Variants in KIAA1671 observed in about 807,000 individuals in gnomAD.
The protein encoded by KIAA1671 is uncharacterized protein KIAA1671.
KIAA1671 carries 52 observed loss-of-function variants against 131.2 expected under a neutral mutation model. The ratio of observed to expected loss-of-function variants is 0.40; its 90% CI spans 0.32 to 0.50. The LOEUF (loss-of-function observed/expected upper bound fraction) is 0.50, where lower values mean the gene tolerates loss of function less well. Among genes scored for constraint, KIAA1671 ranks in the 20% least tolerant of loss-of-function variants. The probability of loss-of-function intolerance (pLI) is 0.73; values close to 1 mark genes in which losing one functional copy is unlikely to be tolerated. For synonymous variants in KIAA1671, 1,003 were observed against 961.6 expected (o/e 1.04, Z -0.80); for missense variants, 2,360 against 2,364.2 (o/e 1.00, Z 0.04).
intron 4 of KIAA1671, among the ~76,000 whole-genome samples, chr22:25,037,356 ATATATATGTGTATATATG>A (rs1292525707): frequency 2.2e-4 from 33 of 151,924 alleles, no homozygotes; most frequent in Non-Finnish European, 2.1e-4. Context: ...TTGCAAAAAA[ATATATATGTGTATATATG>A]TATATATGTG....
intron 6 of KIAA1671, among the ~76,000 whole-genome samples, chr22:25,069,667 C>A (rs1250956222): frequency 1.3e-5 from 2 of 152,192 alleles, no homozygotes; most frequent in African/African-American, 2.4e-5. Flanking sequence ...GATGGCCACA[C>A]CCTCCTTCTG....
intron 6 of KIAA1671, among the ~76,000 whole-genome samples, chr22:25,123,557 C>T (rs1932045869): frequency 6.6e-6 from 1 of 152,126 alleles, no homozygotes; most frequent in East Asian, 1.9e-4. Context: ...AGCTTTCACT[C>T]TGGGGAAAGC....
intron 6 of KIAA1671, among the ~76,000 whole-genome samples, chr22:25,160,178 GAGA>G (rs1933386377): frequency 6.6e-6 from 1 of 152,218 alleles, no homozygotes. Flanking sequence ...CTGAGGCACA[GAGA>G]AGGGCAGGGC....
chr22:24,958,994 A>AG (rs200288160), intron 1 of KIAA1671, among the ~76,000 whole-genome samples: 1,505 of 149,852 alleles, frequency 0.01, 26 homozygotes, highest in African/African-American at 0.033. Context: ...AAAAAAAAAA[A>AG]AAAAGAAAAG....
At chr22:25,012,600 T>C (rs1208979849) in intron 1 of KIAA1671, 1 of 152,188 alleles carries the variant, frequency 6.6e-6, no homozygotes, top group East Asian at 1.9e-4. Context: ...AAGTTAAATA[T>C]GTTTGTTTTG....
chr22:24,992,672 G>A (rs201175337), intron 1 of KIAA1671, among the ~76,000 whole-genome samples: 1 of 151,842 alleles, frequency 6.6e-6, no homozygotes, highest in Non-Finnish European at 1.5e-5. Context: ...AAAATTAGGC[G>A]GGTGTGGTGG....
rs531803935 is a variant in KIAA1671 at position 25,044,396 on chromosome 22, T to C, written c.4395+2871T>C. The stretch of plus-strand genomic sequence containing the variant: ...AGAGGCCAAGGAAATGCGACACTTA[T>C]GTTTGCCAGCACCTTGCTCAGGGCC... On this transcript the variant is annotated intron_variant, in intron 5 of 12. Transcript: ENST00000358431. Among the ~76,000 whole-genome samples, 54 of 152,248 alleles carry C rather than the reference T, an allele frequency of 3.5e-4. No individual in the cohort carries two copies. In the South Asian group the frequency reaches 3.9e-3, roughly 11 times the overall value.
chr22:25,174,108 ATGTTCTGTC>A (rs1434710069), intron 7 of KIAA1671, 123 bp from the exon 8 acceptor site: 2 of 990,808 alleles, frequency 2.0e-6, no homozygotes, highest in Admixed American at 2.5e-5. Context: ...TTCTGCTGGG[ATGTTCTGTC>A]TGTTGTTACT....
At chr22:25,056,343 G>C (rs1927837749) in intron 6 of KIAA1671, 1 of 149,282 alleles carries the variant, frequency 6.7e-6, no homozygotes, top group East Asian at 2.0e-4. Flanking sequence ...CCTGGAAAAG[G>C]ATTTTTAAAA....
At chr22:25,153,121 A>C (rs2145980569) in intron 6 of KIAA1671, among the ~76,000 whole-genome samples, 1 of 152,344 alleles carries the variant, frequency 6.6e-6, no homozygotes, top group Admixed American at 6.5e-5. Flanking sequence ...ATAGTATATC[A>C]ATAGTATATC....
chr22:25,002,371 G>C (rs912438702), intron 1 of KIAA1671, among the ~76,000 whole-genome samples: 4 of 152,172 alleles, frequency 2.6e-5, no homozygotes, highest in African/African-American at 9.7e-5. Flanking sequence ...AGAGTGGAAA[G>C]TGAGACAGGG....
intron 6 of KIAA1671, among the ~76,000 whole-genome samples, chr22:25,110,440 G>T (rs1222346719): frequency 6.6e-6 from 1 of 152,184 alleles, no homozygotes; most frequent in East Asian, 1.9e-4. Context: ...GAAAACCTGG[G>T]GTGGGAGCAG....
intron 5 of KIAA1671, among the ~76,000 whole-genome samples, chr22:25,046,071 G>T (rs1927209454): frequency 6.6e-6 from 1 of 152,094 alleles, no homozygotes; most frequent in Admixed American, 6.5e-5. Flanking sequence ...GGAGGCCGAG[G>T]CTGGCAGATC....
intron 1 of KIAA1671, among the ~76,000 whole-genome samples, chr22:24,998,682 G>C (rs1334176623): frequency 2.8e-4 from 40 of 140,928 alleles, no homozygotes; most frequent in South Asian, 4.5e-4. Flanking sequence ...CGCGCCACTG[G>C]ACTCCAGCCT....
chr22:25,018,875 A>T (rs534747883), intron 1 of KIAA1671, among the ~76,000 whole-genome samples: 2 of 152,240 alleles, frequency 1.3e-5, no homozygotes, highest in Admixed American at 1.3e-4. Flanking sequence ...TTGGTGTACA[A>T]ATATCTGCTT....
chr22:25,118,941 TC>T (rs1339404836), intron 6 of KIAA1671, among the ~76,000 whole-genome samples: 8 of 152,114 alleles, frequency 5.3e-5, no homozygotes, highest in Non-Finnish European at 8.8e-5. Flanking sequence ...TTCCCGACGT[TC>T]CAGGCTGTGG....
At chr22:25,074,496 CAAAAA>C (rs759898395) in intron 6 of KIAA1671, among the ~76,000 whole-genome samples, 13 of 64,150 alleles carry the variant, frequency 2.0e-4, no homozygotes, top group African/African-American at 7.5e-4. Flanking sequence ...GGCTGTGTCT[CAAAAA>C]AAAAAAAAAA....
intron 1 of KIAA1671, among the ~76,000 whole-genome samples, chr22:24,969,309 A>G (rs974542101): frequency 6.6e-6 from 1 of 152,226 alleles, no homozygotes; most frequent in African/African-American, 2.4e-5. Flanking sequence ...CAAGTCCTGT[A>G]TATAAAATGG....
intron 9 of KIAA1671, among the ~76,000 whole-genome samples, chr22:25,177,923 G>A (rs769665612): frequency 5.3e-5 from 8 of 152,046 alleles, no homozygotes; most frequent in Non-Finnish European, 8.8e-5. Flanking sequence ...GTGGGTCCGT[G>A]CTGACCCCTG....
Sources: gnomAD v4.1 joint callset for allele counts (sites outside exome capture counted in the v4.1 genomes callset) on GRCh38, gnomAD v4.1.1 for gene constraint, MANE v1.5 for transcripts, NCBI Gene and HGNC (gene_info 2026-07-23, HGNC 2026-07-21) for gene names.